The following ANKRD63 variants were observed in gnomAD, a reference collection of about 807,000 sequenced individuals.
ANKRD63 encodes ankyrin repeat domain 63.
Under a neutral mutation model 21.2 loss-of-function variants are expected in ANKRD63, and 18 were observed. That is an observed-to-expected ratio of 0.85 (90% CI 0.59 to 1.26). The LOEUF (loss-of-function observed/expected upper bound fraction) is 1.26. Ranked by LOEUF, ANKRD63 falls within the 50% of genes most tolerant of loss-of-function variation. The probability of loss-of-function intolerance (pLI) is 0.00; values close to 1 mark genes in which losing one functional copy is unlikely to be tolerated. For synonymous variants in ANKRD63, 322 were observed against 273.3 expected, an observed-to-expected ratio of 1.18 and a Z score of -1.76; for missense variants, 523 against 570.9, an observed-to-expected ratio of 0.92 and a Z score of 0.85.
In ANKRD63 at chr15:40,281,609, A is replaced by C. The variant is rs1401667670; in HGVS notation, c.978T>G (p.Gly326=). The C allele has an allele frequency of 2.0e-6, 3 of 1,529,372 alleles. No individual in the cohort carries two copies. The African/African-American group carries it at 4.1e-5, about 21-fold the overall frequency. The allele number at this position is 1,529,372 out of a possible 1,614,324, so 94.7% of individuals were successfully genotyped here. ...PEGGPGSGRL[G]LRRRSTAPDI... is the part of the protein sequence containing the mutation. ...CTGGGGCTGTGGAGCGTCGGCGCAAACCCAGGCGGCCAGAGCCGGGGCCGC... is the reference window on the plus strand; with the variant it reads ...CTGGGGCTGTGGAGCGTCGGCGCAACCCCAGGCGGCCAGAGCCGGGGCCGC... Residue 326 remains glycine, a synonymous_variant, in exon 1 of 1, where the codon GGT becomes GGG. Coordinates refer to ENST00000434396, the MANE Select transcript of ANKRD63 (RefSeq NM_001190479.3).
rs2039542305 is a variant in ANKRD63 at position 40,281,554 on chromosome 15, C to G, written c.1033G>C (p.Gly345Arg). 2.6e-6 allele frequency: 4 copies of G among 1,531,942 alleles called. No individual in the cohort carries two copies. Among genetic ancestry groups the G allele is most frequent in the Non-Finnish European group, 3.5e-6 (4 of 1,145,048 alleles). 94.9% of individuals were successfully genotyped at this position (1,531,942 alleles called of 1,614,324 possible). The stretch of plus-strand genomic sequence containing the variant: ...TCTAACTCCGGGCCACTCTCGGGCC[C>G]TGGCGCCTCCCCGACCAGGCTGGGG... ...DIPSLVGEAP[G>R]PESGPELEAN... Residue 345 changes from glycine to arginine, a missense_variant, in exon 1 of 1, where the codon GGG (glycine) becomes CGG (arginine). Physicochemically the swap from Gly to Arg is moderately radical, Grantham distance 125 (BLOSUM62 -2). Transcript: ENST00000434396.
At position 40,281,986 on chromosome 15, in the gene ANKRD63, C is replaced by A. The variant is rs976750953; in HGVS notation, c.601G>T (p.Ala201Ser). The A allele has an allele frequency of 8.2e-7, 1 of 1,218,046 alleles. No homozygotes were observed. Among genetic ancestry groups the A allele is most frequent in the African/African-American group, 1.6e-5 (1 of 63,310 alleles). 75.5% of individuals were successfully genotyped at this position (1,218,046 alleles called of 1,614,324 possible). A position where few individuals can be genotyped will look rare whatever the true frequency, so the allele number is the denominator to read the frequency against. The change falls in exon 1 of 1, where the codon GCG becomes TCG. Residue 201 changes from alanine to serine, a missense_variant. Coordinates refer to ENST00000434396, the MANE Select transcript of ANKRD63 (RefSeq NM_001190479.3). ...SDSPPGRPAPAASPEHRRPSP... is the reference protein window; with the variant it reads ...SDSPPGRPAPSASPEHRRPSP... ...GGTCGTCGATGCTCGGGGCTGGCCG[C>A]GGGGGCCGGGCGGCCAGGGGGACTA...
rs2039548332 is a variant in ANKRD63, at chr15:40,281,907, C to A, written c.680G>T (p.Gly227Val). ...TGAGCCAGCCTCGCCGCCGTGGCCG[C>A]CCGCCGCTCGCGCAAAGCGCGCCAG... ...PLLARFARAA[G>V]GHGGEAGSAG... Residue 227 changes from glycine (G) to valine (V), a missense_variant, in exon 1 of 1, where the codon GGC becomes GTC. Coordinates refer to ENST00000434396, the MANE Select transcript of ANKRD63 (RefSeq NM_001190479.3). 1.4e-6 allele frequency: 2 copies of A among 1,409,938 alleles called. No homozygotes were observed. Among genetic ancestry groups the A allele is most frequent in the African/African-American group, 3.0e-5 (2 of 66,164 alleles). 87.3% of individuals were successfully genotyped at this position (1,409,938 alleles called of 1,614,324 possible). A position where few individuals can be genotyped will look rare whatever the true frequency, so the allele number is the denominator to read the frequency against.
In ANKRD63 at chr15:40,279,897, C is replaced by A. The variant is rs572623911; in HGVS notation, c.*1547G>T. ...ACCTGCCGCCTCCCCGCGGGCCAGG[C>A]GCACTGACACACGTGCTGGCGCTTC... On this transcript the variant is annotated 3_prime_UTR_variant, in exon 1 of 1. Coordinates refer to ENST00000434396, the MANE Select transcript of ANKRD63 (RefSeq NM_001190479.3). Among the ~76,000 whole-genome samples the A allele has an allele frequency of 6.6e-6, 1 of 152,372 alleles. No homozygotes were observed. The highest frequency in any genetic ancestry group is 2.1e-4 in the South Asian group (1 of 4,830).
rs1173569290 is a variant in ANKRD63, at chr15:40,281,580, A to C, written c.1007T>G (p.Ile336Ser). ...TGGCGCCTCCCCGACCAGGCTGGGG[A>C]TATCTGGGGCTGTGGAGCGTCGGCG... ...GLRRRSTAPD[I>S]PSLVGEAPGP... is the part of the protein sequence containing the mutation. Residue 336 changes from isoleucine (I) to serine (S), a missense_variant, in exon 1 of 1, where the codon ATC becomes AGC. Physicochemically the swap from Ile to Ser is moderately radical, Grantham distance 142. This residue lies in a region of ANKRD63 where 308 missense variants were observed against 290.4 expected (regional missense o/e 1.06). Transcript: ENST00000434396. 16 of 1,532,452 alleles carry C rather than the reference A, an allele frequency of 1.0e-5. No homozygotes were observed. Among genetic ancestry groups the C allele is most frequent in the Admixed American group, 5.9e-5 (3 of 50,606 alleles). 94.9% of individuals were successfully genotyped at this position (1,532,452 alleles called of 1,614,324 possible).
In ANKRD63 at chr15:40,282,657, G is replaced by C. The variant is rs2141004578; in HGVS notation, c.-71C>G. ...GCGCCCCTGTTCTCGCGCCCCGCGG[G>C]GCTCCGGCCTCCGCCCGCGCTCTGA... On this transcript the variant is annotated 5_prime_UTR_variant, in exon 1 of 1. Coordinates refer to ENST00000434396, the MANE Select transcript of ANKRD63 (RefSeq NM_001190479.3). 1.6e-6 allele frequency: 2 copies of C among 1,231,718 alleles called. No individual in the cohort carries two copies. The highest frequency in any genetic ancestry group is 2.1e-6 in the Non-Finnish European group (2 of 952,844). 76.3% of individuals were successfully genotyped at this position (1,231,718 alleles called of 1,614,324 possible).
At position 40,278,379 on chromosome 15, in the gene ANKRD63, G is replaced by A. The variant is rs896579413; in HGVS notation, c.*3065C>T. 2.0e-5 allele frequency: 3 copies of A among 152,212 alleles called. No homozygotes were observed. 9.4% of individuals were successfully genotyped at this position (152,212 alleles called of 1,614,324 possible). A position where few individuals can be genotyped will look rare whatever the true frequency, so the allele number is the denominator to read the frequency against. On this transcript the variant is annotated 3_prime_UTR_variant, in exon 1 of 1. Transcript: ENST00000434396. ...GCAAAGAGAGGCCAGTTCTCGCAAC[G>A]GAATAATACACTGGATTTATTAACT...
Position 40,281,726 on chromosome 15 carries a change from C to G in ANKRD63, c.861G>C (p.Ser287=). The G allele has an allele frequency of 1.3e-6, 2 of 1,535,108 alleles. No individual in the cohort carries two copies. Among genetic ancestry groups the G allele is most frequent in the Non-Finnish European group, 1.7e-6 (2 of 1,146,544 alleles). The part of the protein sequence containing the change: ...LMALPNSPQS[S]GTGRWRSQEV... The stretch of plus-strand genomic sequence containing the variant: ...CCTGTGAGCGCCACCGCCCAGTCCC[C>G]GAAGACTGGGGCGAGTTTGGTAGGG... Residue 287 remains serine (S), a synonymous_variant, in exon 1 of 1, where the codon TCG becomes TCC. Transcript: ENST00000434396.
rs769731355 is a variant in ANKRD63, at chr15:40,282,575, G to C, written c.12C>G (p.Pro4=). 5.3e-5 allele frequency: 76 copies of C among 1,428,328 alleles called. No individual in the cohort carries two copies. Among genetic ancestry groups the C allele is most frequent in the Non-Finnish European group, 6.8e-5 (75 of 1,095,650 alleles). 88.5% of individuals were successfully genotyped at this position (1,428,328 alleles called of 1,614,324 possible). MLK[P]KDLCPRAGTR... is the part of the protein sequence containing the mutation. ...TCCCCGCTCGGGGGCACAGGTCCTT[G>C]GGTTTGAGCATGGCCCCGGCCGCCG... The change falls in exon 1 of 1, where the codon CCC becomes CCG. Residue 4 remains proline, a synonymous_variant. Coordinates refer to ENST00000434396, the MANE Select transcript of ANKRD63 (RefSeq NM_001190479.3).
chr15:40,281,489 A>G lies in ANKRD63; in HGVS notation c.1098T>C (p.Pro366=). ...CCACAGCCTCGGTGCCCGCCTGCCA[A>G]GGGTTCGGCCCAGGCACCGAGACAG... ...ALSVSVPGPN[P]WQAGTEAVVL... The change falls in exon 1 of 1, where the codon CCT becomes CCC. Residue 366 remains proline, a synonymous_variant. Coordinates refer to ENST00000434396, the MANE Select transcript of ANKRD63 (RefSeq NM_001190479.3). 6.9e-7 allele frequency: 1 copy of G among 1,441,298 alleles called. No individual in the cohort carries two copies. The highest frequency in any genetic ancestry group is 9.1e-7 in the Non-Finnish European group (1 of 1,101,042). The allele number at this position is 1,441,298 out of a possible 1,614,324, so 89.3% of individuals were successfully genotyped here. A position where few individuals can be genotyped will look rare whatever the true frequency, so the allele number is the denominator to read the frequency against.
Position 40,281,551 on chromosome 15 carries a change from G to A in ANKRD63, c.1036C>T (p.Pro346Ser), listed in dbSNP as rs1296966355. ...GCCTCTAACTCCGGGCCACTCTCGG[G>A]CCCTGGCGCCTCCCCGACCAGGCTG... ...IPSLVGEAPG[P>S]ESGPELEANA... Residue 346 changes from proline (P) to serine (S), a missense_variant, in exon 1 of 1, where the codon CCC (proline) becomes TCC (serine). By Grantham distance (74) the Pro-to-Ser change is moderately conservative. This residue lies in a region of ANKRD63 where 308 missense variants were observed against 290.4 expected (regional missense o/e 1.06). Transcript: ENST00000434396. 4 of 1,531,656 alleles carry A rather than the reference G, an allele frequency of 2.6e-6. No individual in the cohort carries two copies. The highest frequency in any genetic ancestry group is 4.9e-5 in the East Asian group (2 of 40,596). The allele number at this position is 1,531,656 out of a possible 1,614,324, so 94.9% of individuals were successfully genotyped here.
Position 40,279,472 on chromosome 15 carries a change from T to C in ANKRD63, c.*1972A>G, listed in dbSNP as rs189828788. Among the ~76,000 whole-genome samples, 6 of 152,290 alleles carry C rather than the reference T, an allele frequency of 3.9e-5. No homozygotes were observed. The highest frequency in any genetic ancestry group is 1.4e-4 in the African/African-American group (6 of 41,550). On this transcript the variant is annotated 3_prime_UTR_variant, in exon 1 of 1. Coordinates refer to ENST00000434396, the MANE Select transcript of ANKRD63 (RefSeq NM_001190479.3). ...AAGAGGAAGAGGATTCCACGATAAA[T>C]GCACATGGATGAAGAAGTACACAGG...
In ANKRD63 at chr15:40,282,820, C is replaced by T. The variant is rs1162006715; in HGVS notation, c.-234G>A. Among the ~76,000 whole-genome samples the T allele has an allele frequency of 6.6e-6, 1 of 152,200 alleles. No homozygotes were observed. The highest frequency in any genetic ancestry group is 1.5e-5 in the Non-Finnish European group (1 of 68,020). On this transcript the variant is annotated 5_prime_UTR_variant, in exon 1 of 1. Coordinates refer to ENST00000434396, the MANE Select transcript of ANKRD63 (RefSeq NM_001190479.3). ...GCCGCTCCTTCCCCGGGCCTCCCGC[C>T]TGGAGGTGTTGATTGCTCGCTACTC...
chr15:40,281,653 G>C lies in ANKRD63; in HGVS notation c.934C>G (p.Leu312Val), dbSNP rs7181872. The C allele has an allele frequency of 6.6e-7, 1 of 1,526,100 alleles. No individual in the cohort carries two copies. The highest frequency in any genetic ancestry group is 8.8e-7 in the Non-Finnish European group (1 of 1,140,918). The allele number at this position is 1,526,100 out of a possible 1,614,324, so 94.5% of individuals were successfully genotyped here. ...PPTLAQAPIGLSPHPEGGPGS... is the reference protein window; with the variant it reads ...PPTLAQAPIGVSPHPEGGPGS... ...GGGCCGCCCTCCGGGTGGGGACTGA[G>C]GCCAATGGGGGCTTGCGCTAAGGTT... The change falls in exon 1 of 1, where the codon CTC becomes GTC. Residue 312 changes from leucine to valine, a missense_variant. This residue lies in a region of ANKRD63 where 308 missense variants were observed against 290.4 expected (regional missense o/e 1.06). Transcript: ENST00000434396.
In ANKRD63 at chr15:40,279,829, G is replaced by A. The variant is rs535924441; in HGVS notation, c.*1615C>T. Among the ~76,000 whole-genome samples, 4 of 152,382 alleles carry A rather than the reference G, an allele frequency of 2.6e-5. No homozygotes were observed. In the East Asian group the frequency reaches 7.7e-4, roughly 29 times the overall value. On this transcript the variant is annotated 3_prime_UTR_variant, in exon 1 of 1. Coordinates refer to ENST00000434396, the MANE Select transcript of ANKRD63 (RefSeq NM_001190479.3). The stretch of plus-strand genomic sequence containing the variant: ...TGCAAAGACCTTACTGCAGGCAGGT[G>A]AAAGGCTTCAAGTTCCACCCTCAGG...
Position 40,281,964 on chromosome 15 carries a change from C to G in ANKRD63, c.623G>C (p.Arg208Pro). Residue 208 changes from arginine to proline, a missense_variant, in exon 1 of 1, where the codon CGA (arginine) becomes CCA (proline). Coordinates refer to ENST00000434396, the MANE Select transcript of ANKRD63 (RefSeq NM_001190479.3). ...PAPAASPEHR[R>P]PSPRRLPRPL... ...CCGCGGGAGGCGGCGGGGGCTGGGT[C>G]GTCGATGCTCGGGGCTGGCCGCGGG... 2 of 1,265,444 alleles carry G rather than the reference C, an allele frequency of 1.6e-6. No individual in the cohort carries two copies. Among genetic ancestry groups the G allele is most frequent in the Non-Finnish European group, 2.0e-6 (2 of 1,007,464 alleles). The allele number at this position is 1,265,444 out of a possible 1,614,324, so 78.4% of individuals were successfully genotyped here.
rs1213554682 is a variant in ANKRD63 at position 40,282,344 on chromosome 15, G to A, written c.243C>T (p.Asp81=). 14 of 1,511,148 alleles carry A rather than the reference G, an allele frequency of 9.3e-6. No homozygotes were observed. The highest frequency in any genetic ancestry group is 2.6e-5 in the East Asian group (1 of 38,208). The allele number at this position is 1,511,148 out of a possible 1,614,324, so 93.6% of individuals were successfully genotyped here. A position where few individuals can be genotyped will look rare whatever the true frequency, so the allele number is the denominator to read the frequency against. The change falls in exon 1 of 1, where the codon GAC becomes GAT. Residue 81 remains aspartate (D), a synonymous_variant. Coordinates refer to ENST00000434396, the MANE Select transcript of ANKRD63 (RefSeq NM_001190479.3). ...GGCTGAGTGCGGTGCGGCCGCGCTC[G>A]TCTCGCAGGTTCACTGCAGCACCCT... ...LEQGAAVNLR[D]ERGRTALSLA...
rs2039554967 is a variant in ANKRD63 at position 40,282,329 on chromosome 15, G to A, written c.258C>T (p.Thr86=). The change falls in exon 1 of 1, where the codon ACC becomes ACT. Residue 86 remains threonine (T), a synonymous_variant. Coordinates refer to ENST00000434396, the MANE Select transcript of ANKRD63 (RefSeq NM_001190479.3). ...AVNLRDERGR[T]ALSLACERGH... ...CTCGCTCGCACGCCAGGCTGAGTGC[G>A]GTGCGGCCGCGCTCGTCTCGCAGGT... The A allele has an allele frequency of 1.3e-6, 2 of 1,514,374 alleles. No homozygotes were observed. The highest frequency in any genetic ancestry group is 1.8e-6 in the Non-Finnish European group (2 of 1,139,328). The allele number at this position is 1,514,374 out of a possible 1,614,324, so 93.8% of individuals were successfully genotyped here. A position where few individuals can be genotyped will look rare whatever the true frequency, so the allele number is the denominator to read the frequency against.
Position 40,281,741 on chromosome 15 carries a change from G to C in ANKRD63, c.846C>G (p.Asn282Lys). 1 of 1,535,188 alleles carries C rather than the reference G, an allele frequency of 6.5e-7. No homozygotes were observed. Among genetic ancestry groups the C allele is most frequent in the Non-Finnish European group, 8.7e-7 (1 of 1,146,578 alleles). ...GCCCAGTCCCCGAAGACTGGGGCGAGTTTGGTAGGGCCATCAGGGCCCCAG... is the reference window on the plus strand; with the variant it reads ...GCCCAGTCCCCGAAGACTGGGGCGACTTTGGTAGGGCCATCAGGGCCCCAG... ...LRAGALMALP[N>K]SPQSSGTGRW... is the part of the protein sequence containing the mutation. Residue 282 changes from asparagine (N) to lysine (K), a missense_variant, in exon 1 of 1, where the codon AAC (asparagine) becomes AAG (lysine). Around this residue, in one of 2 missense-constraint regions of ANKRD63, gnomAD observed 308 missense variants for 290.4 expected, o/e 1.06. Coordinates refer to ENST00000434396, the MANE Select transcript of ANKRD63 (RefSeq NM_001190479.3).
Sources: allele counts gnomAD v4.1 joint callset (sites outside exome capture counted in the v4.1 genomes callset), GRCh38; gene constraint gnomAD v4.1.1; regional missense constraint gnomAD v4.1.1; transcripts MANE v1.5; gene names NCBI Gene and HGNC (gene_info 2026-07-23, HGNC 2026-07-21).